Variants in RMP64 observed in about 807,000 individuals in gnomAD.
RMP64 encodes ribonuclease MRP subunit p64.
the RMP64 span, chr3:113,008,152 A>C: frequency 2.6e-4 from 417 of 1,600,570 alleles, no homozygotes; most frequent in African/African-American, 4.8e-3. Flanking sequence ...AAGTAACATA[A>C]TTTTTGCAAT....
At chr3:113,010,494 A>G in the RMP64 span, 2 of 627,320 alleles carry the variant, frequency 3.2e-6, no homozygotes, top group African/African-American at 3.7e-5. Context: ...CCTTGCCTCT[A>G]TTCATTCAGA....
chr3:113,014,055 A>G, the RMP64 span: 3 of 1,501,888 alleles, frequency 2.0e-6, no homozygotes, highest in African/African-American at 2.7e-5. Context: ...GAGCAGTTCA[A>G]ATTCATGTGT....
At chr3:113,014,489 G>T in the RMP64 span, 1 of 152,752 alleles carries the variant, frequency 6.5e-6, no homozygotes, top group African/African-American at 2.4e-5. Context: ...CCAAGCAGCT[G>T]GGACTACAGG....
At chr3:113,012,731 TACCATA>T in the RMP64 span, 1 of 1,544,104 alleles carries the variant, frequency 6.5e-7, no homozygotes, top group Non-Finnish European at 9.0e-7. Context: ...GGTATGTACA[TACCATA>T]ACCTGCTCAC....
the RMP64 span, chr3:113,008,282 T>C: frequency 6.2e-7 from 1 of 1,614,110 alleles, no homozygotes; most frequent in Non-Finnish European, 8.5e-7. Context: ...AACTGCCATC[T>C]GGATTTCTTC....
chr3:113,019,489 C>T, the RMP64 span: 1 of 1,468,316 alleles, frequency 6.8e-7, no homozygotes, highest in South Asian at 1.2e-5. Flanking sequence ...CCGGCTGGGC[C>T]TGGCGGCCTC....
At chr3:113,005,716 A>G in the RMP64 span, 2 of 1,613,944 alleles carry the variant, frequency 1.2e-6, no homozygotes, top group Admixed American at 1.7e-5. Context: ...AAACTCCACT[A>G]TTCAAGAGCT....
chr3:113,003,795 G>A, the RMP64 span: 2 of 152,186 alleles, frequency 1.3e-5, no homozygotes, highest in African/African-American at 4.8e-5. Flanking sequence ...ACCTAAGCCT[G>A]AGGAAACTGA....
chr3:113,011,426 C>T, the RMP64 span: 1 of 1,535,256 alleles, frequency 6.5e-7, no homozygotes, highest in East Asian at 2.3e-5. Flanking sequence ...GAAATAGGAG[C>T]TCATTAATTA....
chr3:113,015,859 T>TAAA, the RMP64 span, among the ~76,000 whole-genome samples: 1 of 107,554 alleles, frequency 9.3e-6, no homozygotes, highest in East Asian at 2.7e-4. Context: ...GCCAAGAATT[T>TAAA]AAAAAAAAAA....
the RMP64 span, chr3:113,013,476 T>A: frequency 1.1e-6 from 1 of 889,156 alleles, no homozygotes; most frequent in Non-Finnish European, 1.7e-6. Flanking sequence ...TTTTTTTTTT[T>A]ACATTTACCA....
the RMP64 span, chr3:113,013,462 G>T: frequency 0.016 from 14,491 of 928,312 alleles, 1 homozygote; most frequent in East Asian, 0.019. Flanking sequence ...TTTTTTTTTT[G>T]TTTTTTTTTT....
chr3:113,003,358 A>AATG, the RMP64 span: 1 of 152,116 alleles, frequency 6.6e-6, no homozygotes, highest in Non-Finnish European at 1.5e-5. Context: ...TAATAATAAT[A>AATG]ATAATTCACT....
the RMP64 span, among the ~76,000 whole-genome samples, chr3:113,017,283 GA>G: frequency 2.7e-5 from 4 of 150,688 alleles, no homozygotes; most frequent in Non-Finnish European, 4.4e-5. Flanking sequence ...ATGCTTTTAG[GA>G]AAAAAAAAGA....
At chr3:113,006,317 A>C in the RMP64 span, among the ~76,000 whole-genome samples, 1 of 152,242 alleles carries the variant, frequency 6.6e-6, no homozygotes, top group African/African-American at 2.4e-5. Context: ...CATAACTGCT[A>C]ATCTGTTCAT....
the RMP64 span, chr3:113,005,781 A>C: frequency 6.2e-7 from 1 of 1,613,888 alleles, no homozygotes; most frequent in South Asian, 1.1e-5. Context: ...GAGAGTCTCC[A>C]CTTAGCACTG....
chr3:113,003,745 A>AAAG, the RMP64 span: 1 of 152,192 alleles, frequency 6.6e-6, no homozygotes, highest in Non-Finnish European at 1.5e-5. Context: ...TTCAGCTATA[A>AAAG]AAGTTTCATT....
At chr3:113,008,112 C>T in the RMP64 span, 2 of 1,510,892 alleles carry the variant, frequency 1.3e-6, no homozygotes, top group South Asian at 2.3e-5. Flanking sequence ...GACCTGAATA[C>T]TTTTACTCAT....
chr3:113,005,952 G>A, the RMP64 span: 7 of 1,613,780 alleles, frequency 4.3e-6, no homozygotes, highest in Middle Eastern at 6.6e-4. Context: ...CCTGAGCCAC[G>A]AAGAAGGTGG....
Sources: gnomAD v4.1 joint callset for allele counts (sites outside exome capture counted in the v4.1 genomes callset) on GRCh38, gnomAD v4.1.1 for gene constraint, MANE v1.5 for transcripts, NCBI Gene and HGNC (gene_info 2026-07-23, HGNC 2026-07-21) for gene names.